The following SND1 variants were observed in gnomAD, a reference collection of about 807,000 sequenced individuals.
SND1 encodes the protein staphylococcal nuclease and tudor domain containing 1.
In SND1, 38 loss-of-function variants were observed where a neutral mutation model predicts 121.7. The ratio of observed to expected loss-of-function variants is 0.31; its 90% CI spans 0.24 to 0.41. The LOEUF (loss-of-function observed/expected upper bound fraction) is 0.41. Ranked by LOEUF, SND1 falls within the 10% of genes least tolerant of loss-of-function variation. The pLI is 1.00. For missense variants in SND1, 868 were observed against 1,184.6 expected (o/e 0.73, Z 3.92); for synonymous variants, 401 against 447.4 (o/e 0.90, Z 1.31).
At chr7:127,791,861 A>G (rs924349722) in intron 10 of SND1, among the ~76,000 whole-genome samples, 1 of 152,024 alleles carries the variant, frequency 6.6e-6, no homozygotes, top group African/African-American at 2.4e-5. Context: ...TTTATGCAAT[A>G]TAGTAACCAC....
At chr7:127,841,123 A>G (rs2116641942) in intron 11 of SND1, among the ~76,000 whole-genome samples, 1 of 152,304 alleles carries the variant, frequency 6.6e-6, no homozygotes, top group Non-Finnish European at 1.5e-5. Flanking sequence ...GGCATAGTGA[A>G]TTAGCCCTCT....
intron 11 of SND1, among the ~76,000 whole-genome samples, chr7:127,815,618 G>C (rs971975072): frequency 6.6e-6 from 1 of 152,142 alleles, no homozygotes; most frequent in Non-Finnish European, 1.5e-5. Context: ...TTAGCTACAA[G>C]CCAGGAAATG....
Position 127,991,003 on chromosome 7 carries a change from C to A in SND1, c.1726C>A (p.Pro576Thr). The part of the protein sequence containing the change: ...NLPGLVQEGE[P>T]FSEEATLFTK... ...CCCAGGCTTGGTGCAGGAAGGAGAG[C>A]CCTTCAGCGAGGAAGCTACACTTTT... is the stretch of plus-strand genomic sequence containing the variant. The change falls in exon 16 of 24, where the codon CCC becomes ACC. Residue 576 changes from proline to threonine, a missense_variant. Coordinates refer to ENST00000354725, the MANE Select transcript of SND1 (RefSeq NM_014390.4). 3 of 1,614,062 alleles carry A rather than the reference C, an allele frequency of 1.9e-6. No individual in the cohort carries two copies. Among genetic ancestry groups the A allele is most frequent in the Non-Finnish European group, 2.5e-6 (3 of 1,179,954 alleles).
intron 12 of SND1, among the ~76,000 whole-genome samples, chr7:127,878,188 G>A (rs1799725270): frequency 6.6e-6 from 1 of 152,096 alleles, no homozygotes; most frequent in Non-Finnish European, 1.5e-5. Context: ...ATTCATTAAT[G>A]CACAGTCATT....
At chr7:127,798,154 G>A (rs1206615794) in intron 10 of SND1, among the ~76,000 whole-genome samples, 1 of 152,198 alleles carries the variant, frequency 6.6e-6, no homozygotes, top group Non-Finnish European at 1.5e-5. Context: ...TAACGGGTCA[G>A]GCTCTTTAAG....
chr7:127,936,054 G>A (rs190569597), intron 15 of SND1, among the ~76,000 whole-genome samples: 5 of 152,254 alleles, frequency 3.3e-5, no homozygotes, highest in Admixed American at 1.3e-4. Context: ...TAGAATGATC[G>A]CTTGGTCAGA....
chr7:127,718,572 C>G, intron 9 of SND1: 1 of 985,374 alleles, frequency 1.0e-6, no homozygotes, highest in Non-Finnish European at 1.2e-6. Flanking sequence ...TGCACAGTTC[C>G]TGAAGAGGAG....
intron 15 of SND1, among the ~76,000 whole-genome samples, chr7:127,980,686 T>G (rs1802238701): frequency 6.6e-6 from 1 of 152,162 alleles, no homozygotes; most frequent in African/African-American, 2.4e-5. Context: ...TCCACACATC[T>G]CAGAACCATT....
chr7:127,884,148 T>C lies in SND1; in HGVS notation c.1344-3754T>C, dbSNP rs550288423. Among the ~76,000 whole-genome samples the C allele has an allele frequency of 3.3e-4, 50 of 152,264 alleles. 1 individual carries two copies. The highest frequency in any genetic ancestry group is 1.2e-3 in the African/African-American group (48 of 41,570). On this transcript the variant is annotated intron_variant, in intron 12 of 23. Transcript: ENST00000354725. Reference sequence around the variant, plus strand: ...GCCAGTAGGAGCCAGGACTTCTGTGTCCTTTGGACATGTCTCCTATTTTTT... The same window carrying C: ...GCCAGTAGGAGCCAGGACTTCTGTGCCCTTTGGACATGTCTCCTATTTTTT...
At chr7:128,048,486 G>C (rs1386890606) in intron 16 of SND1, among the ~76,000 whole-genome samples, 1 of 152,154 alleles carries the variant, frequency 6.6e-6, no homozygotes, top group East Asian at 1.9e-4. Flanking sequence ...TTTTCTTAAT[G>C]GTTTGAAACG....
intron 1 of SND1, among the ~76,000 whole-genome samples, chr7:127,662,738 G>A (rs961876185): frequency 1.3e-5 from 2 of 152,082 alleles, no homozygotes; most frequent in African/African-American, 4.8e-5. Flanking sequence ...GTGGAGCGCA[G>A]GGCCCAGCAC....
intron 6 of SND1, 93 bp downstream of exon 6, chr7:127,702,619 CT>C: frequency 1.0e-6 from 1 of 995,992 alleles, no homozygotes; most frequent in Non-Finnish European, 1.6e-6. Context: ...TCTGCTGTTT[CT>C]TCCTAATGTG....
At chr7:128,074,401 C>T in intron 16 of SND1, 101 bp from the exon 17 acceptor site, 1 of 1,260,658 alleles carries the variant, frequency 7.9e-7, no homozygotes, top group Non-Finnish European at 1.1e-6. Flanking sequence ...CTGCCAAGGC[C>T]TGTGAGCCCA....
chr7:128,075,366 TGAG>T (rs1392759170), intron 17 of SND1, among the ~76,000 whole-genome samples: 5 of 152,218 alleles, frequency 3.3e-5, no homozygotes, highest in Non-Finnish European at 5.9e-5. Flanking sequence ...TCTCTGAGCT[TGAG>T]GAGGATTCGT....
chr7:127,815,767 A>G (rs1381253950), intron 11 of SND1, among the ~76,000 whole-genome samples: 1 of 152,104 alleles, frequency 6.6e-6, no homozygotes, highest in Non-Finnish European at 1.5e-5. Context: ...AATTTGCGGT[A>G]CTTTGTTATG....
At chr7:128,054,991 A>C (rs1793111170) in intron 16 of SND1, among the ~76,000 whole-genome samples, 1 of 152,214 alleles carries the variant, frequency 6.6e-6, no homozygotes, top group Admixed American at 6.5e-5. Flanking sequence ...GAGTTATTCT[A>C]ATAGGATGGA....
chr7:128,073,723 C>T (rs1164571984), intron 16 of SND1, among the ~76,000 whole-genome samples: 1 of 152,204 alleles, frequency 6.6e-6, no homozygotes, highest in Non-Finnish European at 1.5e-5. Flanking sequence ...GGAATTTATC[C>T]TGGGCAGTGG....
intron 21 of SND1, among the ~76,000 whole-genome samples, chr7:128,088,147 G>A (rs1021746799): frequency 8.5e-5 from 13 of 152,116 alleles, no homozygotes; most frequent in African/African-American, 2.9e-4. Flanking sequence ...AAAACACGTC[G>A]GTGAAGACAG....
intron 12 of SND1, among the ~76,000 whole-genome samples, chr7:127,856,354 GA>G (rs1799273807): frequency 1.3e-5 from 2 of 152,196 alleles, no homozygotes; most frequent in African/African-American, 4.8e-5. Context: ...AGTGTTTTTG[GA>G]AATGTTTTTA....
Sources: gnomAD v4.1 joint callset for allele counts (sites outside exome capture counted in the v4.1 genomes callset) on GRCh38, gnomAD v4.1.1 for gene constraint, MANE v1.5 for transcripts, NCBI Gene and HGNC (gene_info 2026-07-23, HGNC 2026-07-21) for gene names.